The following GABRB2 variants were observed in gnomAD, a reference collection of about 807,000 sequenced individuals.
GABRB2 encodes gamma-aminobutyric acid receptor subunit beta-2.
Under a neutral mutation model 54.7 loss-of-function variants are expected in GABRB2, and 16 were observed. The ratio of observed to expected loss-of-function variants is 0.29; its 90% CI spans 0.20 to 0.44. The LOEUF (loss-of-function observed/expected upper bound fraction) is 0.44, where lower values mean the gene tolerates loss of function less well. Ranked by LOEUF, GABRB2 falls within the 20% of genes least tolerant of loss-of-function variation. The pLI, the probability that GABRB2 is intolerant of heterozygous loss-of-function variation, is 1.00. For synonymous variants in GABRB2, 244 were observed against 233.8 expected, an observed-to-expected ratio of 1.04 and a Z score of -0.40; for missense variants, 355 against 644.0, an observed-to-expected ratio of 0.55 and a Z score of 4.86.
intron 3 of GABRB2, among the ~76,000 whole-genome samples, chr5:161,473,911 C>T (rs1758517810): frequency 6.6e-6 from 1 of 151,862 alleles, no homozygotes; most frequent in South Asian, 2.1e-4. Flanking sequence ...CCTGTTTTCA[C>T]CAGACATCAG....
rs1414046712 is a variant in GABRB2, at chr5:161,289,029, T to G, written c.*5052A>C. The G allele has an allele frequency of 6.6e-6, 1 of 152,090 alleles. No homozygotes were observed. The highest frequency in any genetic ancestry group is 1.5e-5 in the Non-Finnish European group (1 of 68,010). The allele number at this position is 152,090 out of a possible 1,614,324, so 9.4% of individuals were successfully genotyped here. ...AAGGACACACACATGGGCATCAGATTAGAGGATGTGACACGGCAGTGACAT... is the reference window on the plus strand; with the variant it reads ...AAGGACACACACATGGGCATCAGATGAGAGGATGTGACACGGCAGTGACAT... On this transcript the variant is annotated 3_prime_UTR_variant, in exon 10 of 10. Coordinates refer to ENST00000393959, the MANE Select transcript of GABRB2 (RefSeq NM_001371727.1).
In GABRB2 at chr5:161,357,555, G is replaced by T. The variant is rs545352153; in HGVS notation, c.542-20786C>A. On this transcript the variant is annotated intron_variant, in intron 5 of 9. Transcript: ENST00000393959. Reference sequence around the variant, plus strand: ...AAAAATGATATGATCTGGCCTGTGTGTTAAGAGAATTATTCTAAGCTTCTT... The same window carrying T: ...AAAAATGATATGATCTGGCCTGTGTTTTAAGAGAATTATTCTAAGCTTCTT... Among the ~76,000 whole-genome samples, 3 of 151,704 alleles carry T rather than the reference G, an allele frequency of 2.0e-5. No individual in the cohort carries two copies. In the South Asian group the frequency reaches 6.2e-4, roughly 32 times the overall value.
At chr5:161,399,553 G>A (rs893597872) in intron 5 of GABRB2, among the ~76,000 whole-genome samples, 2 of 152,122 alleles carry the variant, frequency 1.3e-5, no homozygotes, top group South Asian at 2.1e-4. Context: ...ATACCAGCAG[G>A]ACTAGTGGCT....
chr5:161,535,074 C>A (rs114337281), intron 3 of GABRB2, among the ~76,000 whole-genome samples: 17 of 152,238 alleles, frequency 1.1e-4, no homozygotes, highest in African/African-American at 3.9e-4. Context: ...GGTTACCTGA[C>A]AGATTTTGCT....
chr5:161,491,877 C>G (rs995952020), intron 3 of GABRB2, among the ~76,000 whole-genome samples: 10 of 151,586 alleles, frequency 6.6e-5, no homozygotes, highest in African/African-American at 2.4e-4. Flanking sequence ...ATGAACAGAA[C>G]CAAAATGAGT....
At chr5:161,491,171 T>C (rs1320324395) in intron 3 of GABRB2, among the ~76,000 whole-genome samples, 2 of 151,638 alleles carry the variant, frequency 1.3e-5, no homozygotes, top group Non-Finnish European at 3.0e-5. Context: ...AAAATAGTAA[T>C]AATAAAAGAA....
intron 3 of GABRB2, among the ~76,000 whole-genome samples, chr5:161,474,843 C>T (rs1021474312): frequency 6.6e-6 from 1 of 151,898 alleles, no homozygotes; most frequent in African/African-American, 2.4e-5. Flanking sequence ...CAATTACATA[C>T]CCCAAAATCC....
At chr5:161,449,433 G>C (rs1405334691) in intron 4 of GABRB2, among the ~76,000 whole-genome samples, 1 of 152,094 alleles carries the variant, frequency 6.6e-6, no homozygotes. Flanking sequence ...TCTGCTTTAA[G>C]TGAACTCATT....
chr5:161,533,562 T>A (rs1196172092), intron 3 of GABRB2, among the ~76,000 whole-genome samples: 1 of 152,190 alleles, frequency 6.6e-6, no homozygotes, highest in Non-Finnish European at 1.5e-5. Context: ...ATTTTGCATA[T>A]AATTTGCATG....
intron 4 of GABRB2, among the ~76,000 whole-genome samples, chr5:161,412,563 C>T (rs1362947185): frequency 1.3e-5 from 2 of 152,184 alleles, no homozygotes; most frequent in African/African-American, 4.8e-5. Context: ...TCTTTTCACT[C>T]CTCTGCCTAA....
At chr5:161,512,164 A>G (rs543698798) in intron 3 of GABRB2, among the ~76,000 whole-genome samples, 24 of 152,220 alleles carry the variant, frequency 1.6e-4, no homozygotes, top group Admixed American at 2.6e-4. Context: ...CATACTGCCC[A>G]AAGCAATCTT....
intron 5 of GABRB2, among the ~76,000 whole-genome samples, chr5:161,360,745 G>T (rs1754784988): frequency 6.6e-6 from 1 of 152,084 alleles, no homozygotes; most frequent in Non-Finnish European, 1.5e-5. Context: ...GCAATTAAAT[G>T]TTACGTATTT....
chr5:161,463,453 T>A (rs1758174713), intron 3 of GABRB2, among the ~76,000 whole-genome samples: 1 of 149,928 alleles, frequency 6.7e-6, no homozygotes, highest in Admixed American at 6.7e-5. Context: ...GGTCTACAGA[T>A]GAAATGCTAT....
At position 161,436,014 on chromosome 5, in the gene GABRB2, CAG is replaced by C. The variant is rs1421656377; in HGVS notation, c.458+23608_458+23609del. Among the ~76,000 whole-genome samples the C allele has an allele frequency of 4.6e-5, 7 of 152,130 alleles. No individual in the cohort carries two copies. In the South Asian group the frequency reaches 1.0e-3, roughly 23 times the overall value. On this transcript the variant is annotated intron_variant, in intron 4 of 9. Transcript: ENST00000393959. ...TGATTTCATAGAAAGATAAAGGTAA[CAG>C]GGGCAATACAGAGTAACTGTTATAA...
At chr5:161,331,646 T>C (rs1044123980) in intron 7 of GABRB2, among the ~76,000 whole-genome samples, 1 of 152,128 alleles carries the variant, frequency 6.6e-6, no homozygotes, top group East Asian at 1.9e-4. Flanking sequence ...TCCATTACCA[T>C]GATCTCGGAA....
At chr5:161,452,268 G>T (rs1757810594) in intron 4 of GABRB2, among the ~76,000 whole-genome samples, 2 of 152,146 alleles carry the variant, frequency 1.3e-5, no homozygotes, top group African/African-American at 4.8e-5. Flanking sequence ...TAATGAGATG[G>T]AAGTGCTAAA....
chr5:161,454,577 A>G (rs369705443), intron 4 of GABRB2, among the ~76,000 whole-genome samples: 18 of 152,334 alleles, frequency 1.2e-4, no homozygotes, highest in African/African-American at 3.1e-4. Context: ...CCATTTATTT[A>G]TTAAATATTA....
chr5:161,504,571 T>C (rs1477481040), intron 3 of GABRB2, among the ~76,000 whole-genome samples: 2 of 152,162 alleles, frequency 1.3e-5, no homozygotes, highest in Non-Finnish European at 2.9e-5. Context: ...AGGAAATTTA[T>C]AGCTTTATAT....
At chr5:161,460,844 A>G (rs141486787) in intron 3 of GABRB2, among the ~76,000 whole-genome samples, 135 of 152,306 alleles carry the variant, frequency 8.9e-4, no homozygotes, top group African/African-American at 2.8e-3. Flanking sequence ...AAGGTGCGAA[A>G]TATCTAACTG....
Sources: gnomAD v4.1 joint callset for allele counts (sites outside exome capture counted in the v4.1 genomes callset) on GRCh38, gnomAD v4.1.1 for gene constraint, MANE v1.5 for transcripts, NCBI Gene and HGNC (gene_info 2026-07-23, HGNC 2026-07-21) for gene names.